Variants in SLC10A7 observed in about 807,000 individuals in gnomAD.
The protein encoded by SLC10A7 is solute carrier family 10 member 7.
SLC10A7 carries 29 observed loss-of-function variants against 43.2 expected under a neutral mutation model. That is an observed-to-expected ratio of 0.67 (90% CI 0.50 to 0.92). The LOEUF (loss-of-function observed/expected upper bound fraction) is 0.92, where lower values mean the gene tolerates loss of function less well. Ranked by LOEUF, SLC10A7 falls within the 40% of genes least tolerant of loss-of-function variation. SLC10A7 has a pLI of 0.00. For synonymous variants in SLC10A7, 152 were observed against 144.8 expected (o/e 1.05, Z -0.35); for missense variants, 295 against 403.2 (o/e 0.73, Z 2.30).
intron 10 of SLC10A7, among the ~76,000 whole-genome samples, chr4:146,275,623 A>G (rs1026844687): frequency 6.6e-6 from 1 of 152,150 alleles, no homozygotes; most frequent in African/African-American, 2.4e-5. Context: ...CTGGTCATGT[A>G]TAAGTTCTGG....
At chr4:146,492,909 T>A (rs537602175) in intron 4 of SLC10A7, among the ~76,000 whole-genome samples, 45 of 152,248 alleles carry the variant, frequency 3.0e-4, no homozygotes, top group South Asian at 1.9e-3. Context: ...ATTAAAAAGC[T>A]GATGAAAAGA....
At chr4:146,342,862 T>A (rs1393387262) in intron 5 of SLC10A7, among the ~76,000 whole-genome samples, 3 of 151,768 alleles carry the variant, frequency 2.0e-5, no homozygotes, top group Non-Finnish European at 2.9e-5. Context: ...TGTGGTTGAT[T>A]CTATATATTT....
At chr4:146,457,921 A>G (rs768641629) in intron 4 of SLC10A7, among the ~76,000 whole-genome samples, 1 of 151,958 alleles carries the variant, frequency 6.6e-6, no homozygotes, top group Non-Finnish European at 1.5e-5. Flanking sequence ...AAGAAATATT[A>G]ATTCTATAAA....
At chr4:146,331,654 T>A (rs1387893960) in intron 5 of SLC10A7, among the ~76,000 whole-genome samples, 1 of 152,212 alleles carries the variant, frequency 6.6e-6, no homozygotes, top group Non-Finnish European at 1.5e-5. Context: ...TGTTCTTAAC[T>A]TTTCGAAAAT....
intron 5 of SLC10A7, among the ~76,000 whole-genome samples, chr4:146,347,646 G>T (rs1469804969): frequency 6.6e-6 from 1 of 152,108 alleles, no homozygotes; most frequent in Non-Finnish European, 1.5e-5. Flanking sequence ...ACTTAGCAAG[G>T]AGTTATTTCT....
intron 6 of SLC10A7, among the ~76,000 whole-genome samples, chr4:146,319,928 T>C (rs912572554): frequency 6.6e-6 from 1 of 152,044 alleles, no homozygotes; most frequent in African/African-American, 2.4e-5. Flanking sequence ...AGTTTATCTA[T>C]AGAAACAGGA....
intron 5 of SLC10A7, among the ~76,000 whole-genome samples, chr4:146,350,453 G>A (rs1333914349): frequency 9.2e-5 from 13 of 141,438 alleles, no homozygotes; most frequent in African/African-American, 2.2e-4. Context: ...CGAGGCTGGG[G>A]GAGGGGCGCC....
At chr4:146,496,835 C>T (rs998903730) in intron 4 of SLC10A7, among the ~76,000 whole-genome samples, 1 of 151,968 alleles carries the variant, frequency 6.6e-6, no homozygotes, top group African/African-American at 2.4e-5. Context: ...CAGCTATGAC[C>T]CTTGCCATGG....
intron 5 of SLC10A7, among the ~76,000 whole-genome samples, chr4:146,335,250 GTAAAAAAAAAA>G (rs1482270240): frequency 7.1e-5 from 5 of 70,624 alleles, no homozygotes; most frequent in South Asian, 1.3e-3. Context: ...CACAGATGTT[GTAAAAAAAAAA>G]AAAAAAAAAA....
intron 5 of SLC10A7, among the ~76,000 whole-genome samples, chr4:146,420,465 C>T (rs536005977): frequency 6.6e-6 from 1 of 152,138 alleles, no homozygotes; most frequent in Non-Finnish European, 1.5e-5. Context: ...AAAAAACGTA[C>T]TTATTAGGGA....
At chr4:146,509,777 G>T in intron 3 of SLC10A7, 136 bp downstream of exon 3, 1 of 711,732 alleles carries the variant, frequency 1.4e-6, no homozygotes. Flanking sequence ...TTGTTTTAAA[G>T]GAAAACAAAG....
intron 2 of SLC10A7, 77 bp downstream of exon 2, chr4:146,516,961 C>T (rs1738062137): frequency 1.8e-6 from 2 of 1,142,626 alleles, no homozygotes; most frequent in South Asian, 3.1e-5. Flanking sequence ...ACAGCTTTAC[C>T]AAAGGACTCT....
chr4:146,493,644 C>A (rs1196511970), intron 4 of SLC10A7, among the ~76,000 whole-genome samples: 1 of 152,110 alleles, frequency 6.6e-6, no homozygotes, highest in African/African-American at 2.4e-5. Context: ...TCTTCAATCC[C>A]CTTTACCTCG....
chr4:146,375,151 A>G (rs1737099610), intron 5 of SLC10A7, among the ~76,000 whole-genome samples: 1 of 152,222 alleles, frequency 6.6e-6, no homozygotes, highest in Non-Finnish European at 1.5e-5. Context: ...GGTTGCAGTG[A>G]GCCGAGATTG....
At chr4:146,329,076 A>G (rs1386544624) in intron 5 of SLC10A7, among the ~76,000 whole-genome samples, 1 of 152,212 alleles carries the variant, frequency 6.6e-6, no homozygotes, top group East Asian at 1.9e-4. Context: ...AATACTTCTA[A>G]TGGATAGTCA....
chr4:146,269,286 T>TAC (rs1728755271), intron 10 of SLC10A7, among the ~76,000 whole-genome samples: 2 of 152,226 alleles, frequency 1.3e-5, no homozygotes, highest in African/African-American at 4.8e-5. Flanking sequence ...GAAGATCAGG[T>TAC]ACACCCTCAC....
At chr4:146,432,910 CG>C (rs1403705645) in intron 5 of SLC10A7, among the ~76,000 whole-genome samples, 1 of 151,482 alleles carries the variant, frequency 6.6e-6, no homozygotes, top group Admixed American at 6.6e-5. Flanking sequence ...TGGTGGTACG[CG>C]CCTGTAGTCC....
chr4:146,282,075 T>C (rs1289275777), intron 10 of SLC10A7, among the ~76,000 whole-genome samples: 1 of 152,200 alleles, frequency 6.6e-6, no homozygotes, highest in Admixed American at 6.5e-5. Context: ...GTTAATTGAT[T>C]TGTCTAAGGT....
intron 5 of SLC10A7, among the ~76,000 whole-genome samples, chr4:146,360,868 A>G (rs1270222601): frequency 2.0e-5 from 3 of 152,170 alleles, no homozygotes; most frequent in Non-Finnish European, 2.9e-5. Context: ...GTTGGTCTTC[A>G]GAGCTTAGGA....
Sources: allele counts gnomAD v4.1 joint callset (sites outside exome capture counted in the v4.1 genomes callset), GRCh38; gene constraint gnomAD v4.1.1; transcripts MANE v1.5; gene names NCBI Gene and HGNC (gene_info 2026-07-23, HGNC 2026-07-21).